ZNF536: variants seen among roughly 807,000 people sequenced by gnomAD.
The protein encoded by ZNF536 is zinc finger protein 536.
Under a neutral mutation model 84.5 loss-of-function variants are expected in ZNF536, and 13 were observed. The observed-to-expected ratio is 0.15, with a 90% CI of 0.10 to 0.24. The LOEUF is 0.24. Among genes scored for constraint, ZNF536 ranks in the 10% least tolerant of loss-of-function variants. The pLI is 1.00. For synonymous variants in ZNF536, 811 were observed against 742.5 expected (o/e 1.09, Z -1.50); for missense variants, 1,536 against 1,747.5 (o/e 0.88, Z 2.16).
intron 2 of ZNF536, among the ~76,000 whole-genome samples, chr19:30,466,744 GGAAGAAAGGAGGGAAGGAAGGAA>G (rs1568460217): frequency 8.0e-4 from 60 of 75,458 alleles, no homozygotes; most frequent in African/African-American, 3.1e-3. Flanking sequence ...AGGGAGGGAA[GGAAGAAAGGAGGGAAGGAAGGAA>G]GGAAGGAAGG....
intron 3 of ZNF536, among the ~76,000 whole-genome samples, chr19:30,360,842 G>A (rs994084900): frequency 1.3e-5 from 2 of 152,238 alleles, no homozygotes; most frequent in African/African-American, 4.8e-5. Context: ...TGTTATCAAA[G>A]TAACTTCCAG....
chr19:30,650,788 G>T (rs972841066), intron 1 of ZNF536, among the ~76,000 whole-genome samples: 1 of 152,192 alleles, frequency 6.6e-6, no homozygotes, highest in African/African-American at 2.4e-5. Flanking sequence ...GAGAAATCAT[G>T]TTAAATGAAA....
At chr19:30,271,294 CTTTTCTTTTTTTTTTTTTTTT>C (rs1290273517) in intron 1 of ZNF536, among the ~76,000 whole-genome samples, 1 of 103,198 alleles carries the variant, frequency 9.7e-6, no homozygotes, top group African/African-American at 3.5e-5. Flanking sequence ...GTGTTTTTTT[CTTTTCTTTTTTTTTTTTTTTT>C]TTTTGCTAAA....
chr19:30,482,868 G>T (rs1375782227), intron 2 of ZNF536, among the ~76,000 whole-genome samples: 1 of 152,118 alleles, frequency 6.6e-6, no homozygotes, highest in Non-Finnish European at 1.5e-5. Flanking sequence ...CATCTGTCTG[G>T]GTGGGCTTCA....
At chr19:30,505,241 A>G (rs1322826288) in intron 2 of ZNF536, among the ~76,000 whole-genome samples, 1 of 147,684 alleles carries the variant, frequency 6.8e-6, no homozygotes, top group Non-Finnish European at 1.5e-5. Context: ...AATATTTAAT[A>G]TATTTATTAA....
chr19:30,460,585 CT>C (rs1262219957), intron 2 of ZNF536, among the ~76,000 whole-genome samples: 1 of 152,178 alleles, frequency 6.6e-6, no homozygotes, highest in Non-Finnish European at 1.5e-5. Context: ...CTGTTCTCTT[CT>C]TTTTGGTAAT....
At chr19:30,469,941 C>A (rs2053563952) in intron 2 of ZNF536, among the ~76,000 whole-genome samples, 1 of 152,214 alleles carries the variant, frequency 6.6e-6, no homozygotes. Context: ...TAATATTTAG[C>A]TGACGGCAAG....
intron 1 of ZNF536, among the ~76,000 whole-genome samples, chr19:30,693,013 A>G (rs2051474135): frequency 6.6e-6 from 1 of 151,652 alleles, no homozygotes; most frequent in Admixed American, 6.6e-5. Flanking sequence ...GCAGCTCCAA[A>G]ACCTGGGGGG....
Position 30,445,001 on chromosome 19 carries a change from T to A in ZNF536, c.1439T>A (p.Val480Asp), listed in dbSNP as rs1177479771. 1.2e-6 allele frequency: 2 copies of A among 1,611,226 alleles called. No individual in the cohort carries two copies. The highest frequency in any genetic ancestry group is 1.7e-6 in the Non-Finnish European group (2 of 1,178,706). ...LSPISSMAHG[V>D]PEGDKHSLLG... ...CCCATCTCCAGCATGGCCCACGGCGTCCCGGAGGGGGACAAGCACTCCCTC... is the reference window on the plus strand; with the variant it reads ...CCCATCTCCAGCATGGCCCACGGCGACCCGGAGGGGGACAAGCACTCCCTC... Residue 480 changes from valine (V) to aspartate (D), a missense_variant, in exon 2 of 5, where the codon GTC becomes GAC. This residue lies in a region of ZNF536 where 366 missense variants were observed against 364.4 expected (regional missense o/e 1.00). Coordinates refer to ENST00000355537, the MANE Select transcript of ZNF536 (RefSeq NM_014717.3). This position sits in a 1 kb window ranked among gnomAD's most constrained non-coding sequence, Gnocchi z 4.5.
intron 1 of ZNF536, among the ~76,000 whole-genome samples, chr19:30,661,326 T>G (rs961353483): frequency 2.6e-5 from 4 of 152,174 alleles, no homozygotes; most frequent in Admixed American, 2.0e-4. Flanking sequence ...CAGAATTGAA[T>G]AGTGGTCATG....
intron 1 of ZNF536, among the ~76,000 whole-genome samples, chr19:30,389,371 T>C (rs554532936): frequency 6.6e-6 from 1 of 152,196 alleles, no homozygotes; most frequent in African/African-American, 2.4e-5. Flanking sequence ...CTAGCGACCA[T>C]AGATGGGACC....
chr19:30,691,077 G>A (rs1293782838), intron 1 of ZNF536, among the ~76,000 whole-genome samples: 1 of 152,150 alleles, frequency 6.6e-6, no homozygotes, highest in Non-Finnish European at 1.5e-5. Context: ...GAGGAGTTAA[G>A]GGCTGGAGGT....
intron 2 of ZNF536, among the ~76,000 whole-genome samples, chr19:30,490,333 A>C (rs941465323): frequency 6.6e-6 from 1 of 152,222 alleles, no homozygotes; most frequent in African/African-American, 2.4e-5. Context: ...AGGATGAAAG[A>C]GTCATACATA....
At chr19:30,301,881 G>C (rs1341433403) in intron 2 of ZNF536, among the ~76,000 whole-genome samples, 1 of 151,276 alleles carries the variant, frequency 6.6e-6, no homozygotes, top group Non-Finnish European at 1.5e-5. Flanking sequence ...GCTGGGTGCA[G>C]AGAGGTCCCT....
At chr19:30,326,534 C>A (rs1002501697) in intron 2 of ZNF536, among the ~76,000 whole-genome samples, 1 of 152,132 alleles carries the variant, frequency 6.6e-6, no homozygotes, top group Admixed American at 6.6e-5. Flanking sequence ...TAAAGTTGGT[C>A]ACTGACAACT....
At chr19:30,552,980 C>T (rs553813381) in intron 4 of ZNF536, among the ~76,000 whole-genome samples, 1 of 152,300 alleles carries the variant, frequency 6.6e-6, no homozygotes, top group African/African-American at 2.4e-5. Flanking sequence ...GGTCTGATCT[C>T]ATTATAGGAA....
intron 2 of ZNF536, among the ~76,000 whole-genome samples, chr19:30,458,309 A>G (rs757588959): frequency 1.3e-5 from 2 of 151,734 alleles, no homozygotes; most frequent in Non-Finnish European, 2.9e-5. Flanking sequence ...TCATCTTTCA[A>G]TGTTTCCCCC....
At chr19:30,432,262 G>A (rs1216442077) in intron 1 of ZNF536, among the ~76,000 whole-genome samples, 5 of 152,132 alleles carry the variant, frequency 3.3e-5, no homozygotes, top group Non-Finnish European at 7.3e-5. Context: ...GACACCGTGG[G>A]CAACGTCCCC....
At chr19:30,448,010 T>C (rs2052433659) in intron 2 of ZNF536, among the ~76,000 whole-genome samples, 1 of 152,216 alleles carries the variant, frequency 6.6e-6, no homozygotes, top group Admixed American at 6.5e-5. Context: ...TCTCAGTGCT[T>C]GGTTGAAAAA....
Sources: allele counts gnomAD v4.1 joint callset (sites outside exome capture counted in the v4.1 genomes callset), GRCh38; gene constraint gnomAD v4.1.1; regional missense constraint gnomAD v4.1.1; non-coding constraint Gnocchi (gnomAD v3.1); transcripts MANE v1.5; gene names NCBI Gene and HGNC (gene_info 2026-07-23, HGNC 2026-07-21).